Variants in GRAMD1B observed in about 807,000 individuals in gnomAD.
GRAMD1B encodes GRAM domain containing 1B, also known as protein Aster-B.
In GRAMD1B, 37 loss-of-function variants were observed where a neutral mutation model predicts 99.7. That is an observed-to-expected ratio of 0.37 (90% CI 0.29 to 0.49). The LOEUF is 0.49. GRAMD1B is among the 20% of genes least tolerant of loss of function. GRAMD1B has a pLI of 0.98. For synonymous variants in GRAMD1B, 427 were observed against 387.6 expected, an observed-to-expected ratio of 1.10 and a Z score of -1.19; for missense variants, 888 against 1,009.2, an observed-to-expected ratio of 0.88 and a Z score of 1.63.
intron 1 of GRAMD1B, among the ~76,000 whole-genome samples, chr11:123,460,910 A>G (rs1377074090): frequency 6.6e-6 from 1 of 152,106 alleles, no homozygotes; most frequent in Non-Finnish European, 1.5e-5. Flanking sequence ...CAGGTGCATC[A>G]GCTTCTCCTT....
intron 2 of GRAMD1B, among the ~76,000 whole-genome samples, chr11:123,504,553 A>G (rs1256559025): frequency 6.6e-6 from 1 of 152,200 alleles, no homozygotes; most frequent in African/African-American, 2.4e-5. Flanking sequence ...AGACCAATTC[A>G]GACTTGACCT....
chr11:123,492,865 T>TACACACACACAC lies in GRAMD1B; in HGVS notation c.452+11991_452+12002dup, dbSNP rs58113764. On this transcript the variant is annotated intron_variant, in intron 2 of 19. Transcript: ENST00000635736. The surrounding 1 kb of genome is among the most constrained non-coding windows in gnomAD (Gnocchi z 4.2). ...TCTCTCTGTCTCTCTCTTTCACACA[T>TACACACACACAC]ACACACACACACACACACACACACA... 2.1e-4 allele frequency among the ~76,000 whole-genome samples: 31 copies of TACACACACACAC among 148,044 alleles called. No individual in the cohort carries two copies. Among genetic ancestry groups the TACACACACACAC allele is most frequent in the African/African-American group, 6.5e-4 (26 of 40,002 alleles).
Position 123,610,955 on chromosome 11 carries a change from AC to A in GRAMD1B, c.1919+620del, listed in dbSNP as rs1448732785. Among the ~76,000 whole-genome samples the A allele has an allele frequency of 6.6e-6, 1 of 152,164 alleles. No homozygotes were observed. The highest frequency in any genetic ancestry group is 1.9e-4 in the East Asian group (1 of 5,194). On this transcript the variant is annotated intron_variant, in intron 14 of 19. Transcript: ENST00000635736. This position sits in a 1 kb window ranked among gnomAD's most constrained non-coding sequence, Gnocchi z 4.1. ...CTTCCAAAGGAAGGAAGACATTTAG[AC>A]CCTGACATTTTAAGAAACTTGTAGT...
chr11:123,544,972 T>C (rs1273902427), intron 2 of GRAMD1B, among the ~76,000 whole-genome samples: 1 of 152,210 alleles, frequency 6.6e-6, no homozygotes, highest in African/African-American at 2.4e-5. Flanking sequence ...TCTTTTTCTT[T>C]CCCTGTTACC....
At chr11:123,540,303 CA>C (rs1944382672) in intron 2 of GRAMD1B, among the ~76,000 whole-genome samples, 1 of 151,776 alleles carries the variant, frequency 6.6e-6, no homozygotes, top group Admixed American at 6.6e-5. Context: ...TGGTCTCAAA[CA>C]ACCGGGCTTA....
chr11:123,446,055 A>G (rs1949630263), intron 1 of GRAMD1B, among the ~76,000 whole-genome samples: 1 of 152,176 alleles, frequency 6.6e-6, no homozygotes, highest in South Asian at 2.1e-4. Context: ...TTCTCCCAAG[A>G]CTCACTGTTG....
At chr11:123,381,865 C>T (rs759321103) in intron 1 of GRAMD1B, among the ~76,000 whole-genome samples, 4 of 152,128 alleles carry the variant, frequency 2.6e-5, no homozygotes. Context: ...AGTGAGGTGG[C>T]GACTAGCCTG....
chr11:123,525,298 C>T (rs911426599), intron 2 of GRAMD1B, among the ~76,000 whole-genome samples: 7 of 152,184 alleles, frequency 4.6e-5, no homozygotes, highest in African/African-American at 1.4e-4. Context: ...CCCCGCCTTG[C>T]GGGGTGAGGG....
chr11:123,427,388 C>T (rs2134142746), upstream of GRAMD1B, among the ~76,000 whole-genome samples: 2 of 152,174 alleles, frequency 1.3e-5, no homozygotes, highest in South Asian at 4.1e-4. Flanking sequence ...TTGTAAAGGC[C>T]GCTGGGAAGA....
At chr11:123,414,305 A>T (rs2714057) in intron 1 of GRAMD1B, among the ~76,000 whole-genome samples, 1 of 152,014 alleles carries the variant, frequency 6.6e-6, no homozygotes, top group East Asian at 1.9e-4. Context: ...TTGGCCTCCC[A>T]AAGTGTTGGG....
At chr11:123,416,631 T>C (rs1948240763) in intron 1 of GRAMD1B, among the ~76,000 whole-genome samples, 1 of 152,234 alleles carries the variant, frequency 6.6e-6, no homozygotes, top group African/African-American at 2.4e-5. Context: ...TGGCACTGTT[T>C]AGAAAAGGTA....
In GRAMD1B at chr11:123,614,515, G is replaced by A. The variant is rs572223804; in HGVS notation, c.2228-230G>A. Among the ~76,000 whole-genome samples the A allele has an allele frequency of 4.3e-4, 66 of 152,200 alleles. No homozygotes were observed. The South Asian group carries it at 0.013, about 29-fold the overall frequency. Reference sequence around the variant, plus strand: ...CTGTGTATCCTAGCTACATGGGCCTGTTGATTTTCTCATTTGTTCAATGAT... The same window carrying A: ...CTGTGTATCCTAGCTACATGGGCCTATTGATTTTCTCATTTGTTCAATGAT... On this transcript the variant is annotated intron_variant, in intron 16 of 19. Coordinates refer to ENST00000635736, the MANE Select transcript of GRAMD1B (RefSeq NM_001387025.1).
At chr11:123,476,965 T>C (rs1241384272) in intron 1 of GRAMD1B, among the ~76,000 whole-genome samples, 2 of 152,180 alleles carry the variant, frequency 1.3e-5, no homozygotes, top group Non-Finnish European at 2.9e-5. Flanking sequence ...AATATAGTTA[T>C]TTATATTGAA....
At position 123,627,182 on chromosome 11, in the gene GRAMD1B, G is replaced by T. The variant is rs1955542983; in HGVS notation, c.*4587G>T. ...ACATTGTCGTTCTTCAGCCCTCCTT[G>T]CTTCTCTCAATACAATAAGACATTG... On this transcript the variant is annotated 3_prime_UTR_variant, in exon 20 of 20. Coordinates refer to ENST00000635736, the MANE Select transcript of GRAMD1B (RefSeq NM_001387025.1). The T allele has an allele frequency of 6.6e-6, 1 of 152,244 alleles. No individual in the cohort carries two copies. The highest frequency in any genetic ancestry group is 1.5e-5 in the Non-Finnish European group (1 of 68,054). The allele number at this position is 152,244 out of a possible 1,614,324, so 9.4% of individuals were successfully genotyped here.
chr11:123,390,785 C>T (rs535710275), intron 1 of GRAMD1B, among the ~76,000 whole-genome samples: 13 of 152,152 alleles, frequency 8.5e-5, no homozygotes, highest in Non-Finnish European at 1.8e-4. Flanking sequence ...TTCTTTGACC[C>T]CATCTAGGCC....
chr11:123,591,180 C>A lies in GRAMD1B; in HGVS notation c.685-2902C>A. 1 of 369,650 alleles carries A rather than the reference C, an allele frequency of 2.7e-6. No individual in the cohort carries two copies. The highest frequency in any genetic ancestry group is 4.8e-6 in the Non-Finnish European group (1 of 207,954). The allele number at this position is 369,650 out of a possible 1,614,324, so 22.9% of individuals were successfully genotyped here. On this transcript the variant is annotated intron_variant, in intron 4 of 19. Transcript: ENST00000635736. The surrounding 1 kb of genome is among the most constrained non-coding windows in gnomAD (Gnocchi z 4.7). ...CAGCTTGTCCTGAGAACCACGCTGA[C>A]CACCTCGGCTCACTTGTGAAGCTTC...
chr11:123,550,496 GTT>G (rs1324801731), intron 2 of GRAMD1B, among the ~76,000 whole-genome samples: 1 of 152,122 alleles, frequency 6.6e-6, no homozygotes, highest in African/African-American at 2.4e-5. Context: ...TAACAATAGT[GTT>G]TTCACGCCGT....
At chr11:123,432,027 T>G in intron 1 of GRAMD1B, 2 of 398,652 alleles carry the variant, frequency 5.0e-6, no homozygotes, top group East Asian at 7.1e-5. Flanking sequence ...GGGTCCTGTC[T>G]CTTAATGGAT....
At position 123,466,333 on chromosome 11, in the gene GRAMD1B, AGAAG is replaced by A. The variant is rs1316076879; in HGVS notation, c.375-14467_375-14464del. On this transcript the variant is annotated intron_variant, in intron 1 of 19. Transcript: ENST00000635736. ...GAGAGAAAGAGAAAGAAAGAAAGAA[AGAAG>A]GAAGGAAGGAAGGAAAGAAGGAAGG... is the stretch of plus-strand genomic sequence containing the variant. Among the ~76,000 whole-genome samples, 68 of 113,150 alleles carry A rather than the reference AGAAG, an allele frequency of 6.0e-4. 1 individual carries two copies. The highest frequency in any genetic ancestry group is 8.8e-3 in the Middle Eastern group (2 of 228). 74.2% of individuals were successfully genotyped at this position (113,150 alleles called of 152,430 possible). A position where few individuals can be genotyped will look rare whatever the true frequency, so the allele number is the denominator to read the frequency against.
Sources: allele counts gnomAD v4.1 joint callset (sites outside exome capture counted in the v4.1 genomes callset), GRCh38; gene constraint gnomAD v4.1.1; non-coding constraint Gnocchi (gnomAD v3.1); transcripts MANE v1.5; gene names NCBI Gene and HGNC (gene_info 2026-07-23, HGNC 2026-07-21).